Variants in SLC35E3 observed in about 807,000 individuals in gnomAD.
SLC35E3 encodes bladder cancer-overexpressed gene 1 protein.
A neutral mutation model predicts 30.8 loss-of-function variants in SLC35E3; 28 were observed. The ratio of observed to expected loss-of-function variants is 0.91; its 90% confidence interval spans 0.67 to 1.25. SLC35E3 has a LOEUF of 1.25. SLC35E3 is among the 50% of genes most tolerant of loss of function. SLC35E3 has a pLI of 0.00. For synonymous variants in SLC35E3, 146 were observed against 149.2 expected (o/e 0.98, Z 0.16); for missense variants, 365 against 375.4 (o/e 0.97, Z 0.23).
In SLC35E3 at chr12:68,746,383, AT is replaced by A. The variant is rs774335982; in HGVS notation, c.8del (p.Leu3CysfsTer42). 2.5e-6 allele frequency: 4 copies of A among 1,586,850 alleles called. No homozygotes were observed. The highest frequency in any genetic ancestry group is 3.4e-6 in the Non-Finnish European group (4 of 1,164,904). Reference protein sequence around the residue: MALLVDRVRGHWR... With the variant: MAXLVDRVRGHWR... The stretch of plus-strand genomic sequence containing the variant: ...GCCCCAGCTTCGCGGGGATCATGGC[AT>A]TGCTGGTGGACCGAGTGCGGGGCCA... On this transcript the variant is annotated frameshift_variant, in exon 1 of 5. Coordinates refer to ENST00000398004, the MANE Select transcript of SLC35E3 (RefSeq NM_018656.5). LOFTEE classifies it high-confidence loss of function.
intron 2 of SLC35E3, among the ~76,000 whole-genome samples, chr12:68,748,551 A>G (rs538108753): frequency 9.7e-4 from 148 of 152,118 alleles, no homozygotes; most frequent in African/African-American, 3.2e-3. Context: ...ATTAATAAAT[A>G]TAGAGTAATT....
intron 2 of SLC35E3, among the ~76,000 whole-genome samples, chr12:68,749,967 T>A (rs1227116541): frequency 6.6e-6 from 1 of 151,768 alleles, no homozygotes; most frequent in Non-Finnish European, 1.5e-5. Flanking sequence ...AAGTAACTGA[T>A]GGCAATGAAG....
rs1186995651 is a variant in SLC35E3, at chr12:68,771,450, A to C, written c.*6560A>C. On this transcript the variant is annotated 3_prime_UTR_variant, in exon 5 of 5. Coordinates refer to ENST00000398004, the MANE Select transcript of SLC35E3 (RefSeq NM_018656.5). ...TAGCATAAAGCAAGAACAGACTATA[A>C]CTGAAGTTGAGGAACTCTGGTATAC... 1 of 152,176 alleles carries C rather than the reference A, an allele frequency of 6.6e-6. No homozygotes were observed. The highest frequency in any genetic ancestry group is 6.6e-5 in the Admixed American group (1 of 15,262). The allele number at this position is 152,176 out of a possible 1,614,324, so 9.4% of individuals were successfully genotyped here. A position where few individuals can be genotyped will look rare whatever the true frequency, so the allele number is the denominator to read the frequency against.
rs899257531 is a variant in SLC35E3, at chr12:68,780,206, T to C, written c.*15316T>C. On this transcript the variant is annotated 3_prime_UTR_variant, in exon 5 of 5. Transcript: ENST00000398004. ...TTTTTTGAGACAGGGTCTTACTTTG[T>C]CACCCAGGCTGGAGTGCAGGGGCAC... The C allele has an allele frequency of 1.3e-5, 2 of 152,172 alleles. No individual in the cohort carries two copies. The highest frequency in any genetic ancestry group is 4.8e-5 in the African/African-American group (2 of 41,446). The allele number at this position is 152,172 out of a possible 1,614,324, so 9.4% of individuals were successfully genotyped here.
rs374359129 is a variant in SLC35E3 at position 68,746,421 on chromosome 12, C to T, written c.44C>T (p.Ala15Val). 3.9e-5 allele frequency: 63 copies of T among 1,610,456 alleles called. No homozygotes were observed. The highest frequency in any genetic ancestry group is 5.3e-5 in the Non-Finnish European group (62 of 1,177,878). ...VDRVRGHWRI[A>V]AGLLFNLLVS... ...CGAGTGCGGGGCCACTGGCGAATCG[C>T]CGCCGGGCTCCTGTTCAACCTGCTG... The change falls in exon 1 of 5, where the codon GCC (alanine) becomes GTC (valine). Residue 15 changes from alanine (A) to valine (V), a missense_variant. Physicochemically the swap from Ala to Val is moderately conservative, Grantham distance 64. Transcript: ENST00000398004.
Position 68,777,331 on chromosome 12 carries a change from T to A in SLC35E3, c.*12441T>A, listed in dbSNP as rs146830745. The A allele has an allele frequency of 1.4e-3, 218 of 152,250 alleles. No individual in the cohort carries two copies. Among genetic ancestry groups the A allele is most frequent in the African/African-American group, 4.6e-3 (190 of 41,546 alleles). 9.4% of individuals were successfully genotyped at this position (152,250 alleles called of 1,614,324 possible). A position where few individuals can be genotyped will look rare whatever the true frequency, so the allele number is the denominator to read the frequency against. The stretch of plus-strand genomic sequence containing the variant: ...GCACAGTGCTATTCTTCTGAAATCA[T>A]AACATCATGAGGACATCCACTGCTT... On this transcript the variant is annotated 3_prime_UTR_variant, in exon 5 of 5. Transcript: ENST00000398004.
At chr12:68,756,053 G>A (rs12146811) in intron 3 of SLC35E3, among the ~76,000 whole-genome samples, 8 of 151,846 alleles carry the variant, frequency 5.3e-5, no homozygotes, top group African/African-American at 1.5e-4. Flanking sequence ...CCAGTGCTCC[G>A]CTCTGCTTCC....
intron 1 of SLC35E3, among the ~76,000 whole-genome samples, chr12:68,747,176 T>C (rs934267280): frequency 2.0e-5 from 3 of 152,160 alleles, no homozygotes; most frequent in African/African-American, 2.4e-5. Context: ...TCAAAACGTC[T>C]GCAGCACCAT....
chr12:68,770,252 A>C lies in SLC35E3; in HGVS notation c.*5362A>C, dbSNP rs1242355816. The stretch of plus-strand genomic sequence containing the variant: ...GACATGGTGTGTCCTGCACCTGGAA[A>C]TGTAGATAGACCTCAGGCCATACAA... On this transcript the variant is annotated 3_prime_UTR_variant, in exon 5 of 5. Coordinates refer to ENST00000398004, the MANE Select transcript of SLC35E3 (RefSeq NM_018656.5). The C allele has an allele frequency of 6.6e-6, 1 of 152,284 alleles. No homozygotes were observed. The highest frequency in any genetic ancestry group is 2.4e-5 in the African/African-American group (1 of 41,462). 9.4% of individuals were successfully genotyped at this position (152,284 alleles called of 1,614,324 possible). A position where few individuals can be genotyped will look rare whatever the true frequency, so the allele number is the denominator to read the frequency against.
In SLC35E3 at chr12:68,753,974, C is replaced by T. The variant is rs570588777; in HGVS notation, c.672+1784C>T. ...TCAAGCGGTTCTCCTGCCTCAGACC[C>T]TAGCTGGGACTATAGGCGCACACCA... On this transcript the variant is annotated intron_variant, in intron 3 of 4. Coordinates refer to ENST00000398004, the MANE Select transcript of SLC35E3 (RefSeq NM_018656.5). 8.5e-5 allele frequency among the ~76,000 whole-genome samples: 13 copies of T among 152,096 alleles called. No individual in the cohort carries two copies. In the South Asian group the frequency reaches 2.1e-3, roughly 24 times the overall value.
At chr12:68,753,695 C>G (rs1343013846) in intron 3 of SLC35E3, among the ~76,000 whole-genome samples, 1 of 151,908 alleles carries the variant, frequency 6.6e-6, no homozygotes, top group Non-Finnish European at 1.5e-5. Flanking sequence ...CTTCCACATT[C>G]CATTACCCCC....
At chr12:68,756,849 A>G (rs1261484959) in intron 3 of SLC35E3, among the ~76,000 whole-genome samples, 1 of 152,148 alleles carries the variant, frequency 6.6e-6, no homozygotes, top group Non-Finnish European at 1.5e-5. Context: ...GTCTCTACTA[A>G]AAATACAAAA....
rs1180471839 is a variant in SLC35E3, at chr12:68,746,562, A to G, written c.185A>G (p.Gln62Arg). The G allele has an allele frequency of 1.9e-6, 3 of 1,614,098 alleles. No individual in the cohort carries two copies. In the African/African-American group the frequency reaches 4.0e-5, roughly 22 times the overall value. ...ACCTGGCTGGGCTTGTATATCTGCC[A>G]GAAGCTGGACATCTTTGCCCCCAAA... ...VVTWLGLYIC[Q>R]KLDIFAPKSL... Residue 62 changes from glutamine to arginine, a missense_variant, in exon 1 of 5, where the codon CAG becomes CGG. Gln to Arg is a conservative substitution (Grantham distance 43). Coordinates refer to ENST00000398004, the MANE Select transcript of SLC35E3 (RefSeq NM_018656.5).
rs1879527843 is a variant in SLC35E3 at position 68,768,847 on chromosome 12, C to G, written c.*3957C>G. 6.6e-6 allele frequency: 1 copy of G among 152,222 alleles called. No homozygotes were observed. Among genetic ancestry groups the G allele is most frequent in the South Asian group, 2.1e-4 (1 of 4,828 alleles). The allele number at this position is 152,222 out of a possible 1,614,324, so 9.4% of individuals were successfully genotyped here. On this transcript the variant is annotated 3_prime_UTR_variant, in exon 5 of 5. Transcript: ENST00000398004. ...AATAACATAAAGGAGAAATCTATCTCTGTGAAATGAAGTAAGCATTCTTCT... is the reference window on the plus strand; with the variant it reads ...AATAACATAAAGGAGAAATCTATCTGTGTGAAATGAAGTAAGCATTCTTCT...
At position 68,747,942 on chromosome 12, in the gene SLC35E3, T is replaced by A; in HGVS notation, c.415T>A (p.Leu139Ile). The change falls in exon 2 of 5, where the codon TTA becomes ATA. Residue 139 changes from leucine (L) to isoleucine (I), a missense_variant. Leu to Ile is a conservative substitution (Grantham distance 5). Coordinates refer to ENST00000398004, the MANE Select transcript of SLC35E3 (RefSeq NM_018656.5). ...RIQLTLIPIT[L>I]GVILNSYYDV... Reference sequence around the variant, plus strand: ...TTTTTCGTTACAGATTCCTATAACTTTAGGTGTAATCCTAAATTCTTATTA... The same window carrying A: ...TTTTTCGTTACAGATTCCTATAACTATAGGTGTAATCCTAAATTCTTATTA... 6.4e-7 allele frequency: 1 copy of A among 1,571,624 alleles called. No homozygotes were observed. The highest frequency in any genetic ancestry group is 8.7e-7 in the Non-Finnish European group (1 of 1,142,940).
chr12:68,759,161 TG>T lies in SLC35E3; in HGVS notation c.679del (p.Val227CysfsTer6). The T allele has an allele frequency of 1.2e-6, 2 of 1,610,732 alleles. No individual in the cohort carries two copies. Among genetic ancestry groups the T allele is most frequent in the Non-Finnish European group, 8.5e-7 (1 of 1,177,448 alleles). ...FGPWSVSALLMVLLSGVIAFM... is the reference protein window; with the variant it reads ...FGPWSVSALLXVLLSGVIAFM... ...GTTCTTTTGGTTTATTTGTAGCTTA[TG>T]GTGCTGCTATCTGGAGTAATAGCTT... On this transcript the variant is annotated frameshift_variant, in exon 4 of 5. Transcript: ENST00000398004. LOFTEE classifies it high-confidence loss of function.
chr12:68,748,181 G>A (rs1878667620), intron 2 of SLC35E3, 141 bp downstream of exon 2: 6 of 569,322 alleles, frequency 1.1e-5, no homozygotes, highest in East Asian at 2.9e-5. Flanking sequence ...TCTGACTCAA[G>A]GTGAAGAGAA....
chr12:68,758,019 G>A (rs1301873789), intron 3 of SLC35E3, among the ~76,000 whole-genome samples: 1 of 151,788 alleles, frequency 6.6e-6, no homozygotes, highest in Non-Finnish European at 1.5e-5. Context: ...TTGAACCTGG[G>A]AGGCAGAAGT....
At chr12:68,754,993 C>T (rs1412083549) in intron 3 of SLC35E3, among the ~76,000 whole-genome samples, 1 of 152,144 alleles carries the variant, frequency 6.6e-6, no homozygotes, top group Non-Finnish European at 1.5e-5. Flanking sequence ...TCTCACAGTT[C>T]TGAAGTCTGG....
Sources: allele counts gnomAD v4.1 joint callset (sites outside exome capture counted in the v4.1 genomes callset), GRCh38; gene constraint gnomAD v4.1.1; transcripts MANE v1.5; gene names NCBI Gene and HGNC (gene_info 2026-07-23, HGNC 2026-07-21).